The following EXT2 variants were observed in gnomAD, a reference collection of about 807,000 sequenced individuals.
The protein encoded by EXT2 is exostosin-2.
EXT2 carries 53 observed loss-of-function variants against 81.6 expected under a neutral mutation model. The observed-to-expected ratio is 0.65, with a 90% CI of 0.52 to 0.82. EXT2 has a LOEUF of 0.82. EXT2 is among the 40% of genes least tolerant of loss of function. The pLI, the probability that EXT2 is intolerant of heterozygous loss-of-function variation, is 0.00. For missense variants in EXT2, 774 were observed against 910.2 expected, an observed-to-expected ratio of 0.85 and a Z score of 1.93; for synonymous variants, 320 against 340.0, an observed-to-expected ratio of 0.94 and a Z score of 0.65.
At chr11:44,189,044 A>G (rs1955355947) in intron 8 of EXT2, among the ~76,000 whole-genome samples, 1 of 152,242 alleles carries the variant, frequency 6.6e-6, no homozygotes, top group Non-Finnish European at 1.5e-5. Flanking sequence ...AAGCAGCTGT[A>G]GGAAAAAGAG....
intron 13 of EXT2, among the ~76,000 whole-genome samples, chr11:44,239,265 G>C (rs1456867086): frequency 2.0e-5 from 3 of 152,146 alleles, no homozygotes; most frequent in Admixed American, 1.3e-4. Flanking sequence ...ATGCTGATTA[G>C]GGGAGAGATT....
intron 6 of EXT2, among the ~76,000 whole-genome samples, 155 bp from the exon 7 acceptor site, chr11:44,129,890 A>G (rs1203352480): frequency 6.6e-6 from 1 of 152,154 alleles, no homozygotes; most frequent in Admixed American, 6.5e-5. Flanking sequence ...GCCAGTGAAG[A>G]AGGGAGGGGA....
At chr11:44,140,628 A>G (rs935353649) in intron 7 of EXT2, among the ~76,000 whole-genome samples, 2 of 152,196 alleles carry the variant, frequency 1.3e-5, no homozygotes, top group African/African-American at 4.8e-5. Flanking sequence ...GCATTTTAAA[A>G]AGAGCATCCT....
At chr11:44,119,108 G>C (rs1954264611) in intron 4 of EXT2, among the ~76,000 whole-genome samples, 1 of 113,494 alleles carries the variant, frequency 8.8e-6, no homozygotes, top group Non-Finnish European at 1.8e-5. Flanking sequence ...ATGTCCCCCA[G>C]GGGACATTTG....
intron 8 of EXT2, among the ~76,000 whole-genome samples, chr11:44,197,156 C>T (rs1955464914): frequency 6.6e-6 from 1 of 152,166 alleles, no homozygotes; most frequent in African/African-American, 2.4e-5. Flanking sequence ...GGAAACCTCC[C>T]TTCTCTAGCT....
At chr11:44,161,274 C>T (rs1049694145) in intron 7 of EXT2, among the ~76,000 whole-genome samples, 1 of 152,124 alleles carries the variant, frequency 6.6e-6, no homozygotes, top group Admixed American at 6.5e-5. Context: ...AAATATTTTT[C>T]TCCAGCCACA....
At chr11:44,170,250 CA>C (rs1955052302) in intron 7 of EXT2, among the ~76,000 whole-genome samples, 1 of 151,886 alleles carries the variant, frequency 6.6e-6, no homozygotes, top group Non-Finnish European at 1.5e-5. Flanking sequence ...AAACAATATA[CA>C]AAGGAAATTA....
At chr11:44,235,531 C>A (rs1411361883) in intron 12 of EXT2, among the ~76,000 whole-genome samples, 1 of 152,022 alleles carries the variant, frequency 6.6e-6, no homozygotes, top group Non-Finnish European at 1.5e-5. Flanking sequence ...CAGGTGTGAG[C>A]CACTGTGCCT....
chr11:44,193,400 G>GA (rs1555016017), intron 8 of EXT2, among the ~76,000 whole-genome samples: 2 of 152,196 alleles, frequency 1.3e-5, no homozygotes, highest in Non-Finnish European at 2.9e-5. Context: ...CTACATGACA[G>GA]TACCTTACAT....
chr11:44,117,668 A>G (rs187619815), intron 4 of EXT2, among the ~76,000 whole-genome samples: 225 of 152,338 alleles, frequency 1.5e-3, no homozygotes, highest in Non-Finnish European at 1.5e-3. Context: ...CTGTTGGTCT[A>G]TATGTCTATT....
At chr11:44,103,136 T>TCCTTTTAC (rs1954009193) in intron 1 of EXT2, among the ~76,000 whole-genome samples, 1 of 152,184 alleles carries the variant, frequency 6.6e-6, no homozygotes, top group African/African-American at 2.4e-5. Flanking sequence ...CTTTTACATT[T>TCCTTTTAC]AGTTTTAAGA....
At chr11:44,193,659 G>A (rs1300373791) in intron 8 of EXT2, among the ~76,000 whole-genome samples, 4 of 152,176 alleles carry the variant, frequency 2.6e-5, no homozygotes, top group Non-Finnish European at 4.4e-5. Flanking sequence ...AAATAATTGA[G>A]CCTGTGTTTG....
In EXT2 at chr11:44,232,505, G is replaced by A. The variant is rs2135260004; in HGVS notation, c.1806+9G>A. 6.2e-7 allele frequency: 1 copy of A among 1,613,774 alleles called. No homozygotes were observed. The highest frequency in any genetic ancestry group is 8.5e-7 in the Non-Finnish European group (1 of 1,179,822). ...CAGCTTTTTATCACAAGGTAAGGGG[G>A]CGCAGTCCTGGCAAGGTGACAAAAC... On this transcript the variant is annotated intron_variant, in intron 11 of 13. Transcript: ENST00000533608.
rs1361462525 is a variant in EXT2, at chr11:44,251,863, G to A, written c.*7576G>A. On this transcript the variant is annotated 3_prime_UTR_variant, in exon 14 of 14. Transcript: ENST00000533608. ...AGGATATGGCACTGAACAAAACAAT[G>A]TACCTACTTTCGTCAAGCTTACATT... Among the ~76,000 whole-genome samples the A allele has an allele frequency of 6.6e-6, 1 of 152,170 alleles. No homozygotes were observed. Among genetic ancestry groups the A allele is most frequent in the Non-Finnish European group, 1.5e-5 (1 of 68,036 alleles).
At chr11:44,117,527 G>A (rs1399021282) in intron 4 of EXT2, among the ~76,000 whole-genome samples, 5 of 152,082 alleles carry the variant, frequency 3.3e-5, no homozygotes, top group Non-Finnish European at 7.4e-5. Context: ...TCTTTTGCTT[G>A]TGTATGTCTA....
chr11:44,152,636 C>T (rs992520056), intron 7 of EXT2, among the ~76,000 whole-genome samples: 1 of 152,176 alleles, frequency 6.6e-6, no homozygotes, highest in Non-Finnish European at 1.5e-5. Flanking sequence ...CGGGCATGAG[C>T]CACTGCACCC....
chr11:44,097,836 G>A (rs780204504), intron 1 of EXT2, among the ~76,000 whole-genome samples: 9 of 152,082 alleles, frequency 5.9e-5, no homozygotes, highest in Admixed American at 3.9e-4. Context: ...AAGAGACTGT[G>A]ACTGAAAACA....
chr11:44,174,693 T>G (rs1955132148), intron 8 of EXT2, among the ~76,000 whole-genome samples: 1 of 152,198 alleles, frequency 6.6e-6, no homozygotes, highest in South Asian at 2.1e-4. Flanking sequence ...GCTTCCTTTT[T>G]CCAGTATTTG....
intron 13 of EXT2, among the ~76,000 whole-genome samples, chr11:44,239,108 G>T (rs1355321770): frequency 6.6e-6 from 1 of 152,082 alleles, no homozygotes; most frequent in Non-Finnish European, 1.5e-5. Context: ...AATTACAAGA[G>T]ATTTTTTTTT....
Sources: gnomAD v4.1 joint callset for allele counts (sites outside exome capture counted in the v4.1 genomes callset) on GRCh38, gnomAD v4.1.1 for gene constraint, MANE v1.5 for transcripts, NCBI Gene and HGNC (gene_info 2026-07-23, HGNC 2026-07-21) for gene names.